Variants in ZRANB3 observed in about 807,000 individuals in gnomAD.
The protein encoded by ZRANB3 is zinc finger RANBP2-type containing 3.
In ZRANB3, 125 loss-of-function variants were observed where a neutral mutation model predicts 133.8. The ratio of observed to expected loss-of-function variants is 0.93; its 90% confidence interval spans 0.81 to 1.08. ZRANB3 has a LOEUF of 1.08. ZRANB3 is among the 50% of genes least tolerant of loss of function. The probability of loss-of-function intolerance (pLI) is 0.00; values close to 1 mark genes in which losing one functional copy is unlikely to be tolerated. For synonymous variants in ZRANB3, 387 were observed against 432.7 expected, an observed-to-expected ratio of 0.89 and a Z score of 1.31; for missense variants, 1,229 against 1,275.5, an observed-to-expected ratio of 0.96 and a Z score of 0.56.
chr2:135,491,279 C>T (rs1369036294), intron 2 of ZRANB3, among the ~76,000 whole-genome samples: 1 of 152,022 alleles, frequency 6.6e-6, no homozygotes, highest in African/African-American at 2.4e-5. Flanking sequence ...ACATACCTAA[C>T]AGAAGGTAAA....
intron 2 of ZRANB3, among the ~76,000 whole-genome samples, chr2:135,489,966 A>T (rs1559033627): frequency 1.3e-5 from 2 of 152,184 alleles, no homozygotes; most frequent in Admixed American, 6.5e-5. Flanking sequence ...TGTAAACTAG[A>T]AACTAAAAGA....
At chr2:135,286,878 T>C (rs148103571) in intron 8 of ZRANB3, among the ~76,000 whole-genome samples, 4 of 152,338 alleles carry the variant, frequency 2.6e-5, no homozygotes, top group African/African-American at 9.6e-5. Context: ...GTTGTCTGTT[T>C]ACTCTGCTGA....
chr2:135,499,923 G>C (rs1574210769), intron 2 of ZRANB3, among the ~76,000 whole-genome samples: 1 of 152,078 alleles, frequency 6.6e-6, no homozygotes, highest in Non-Finnish European at 1.5e-5. Context: ...GAAGTCATTA[G>C]GGTATCACCA....
intron 19 of ZRANB3, among the ~76,000 whole-genome samples, chr2:135,203,753 A>G (rs1384540432): frequency 2.0e-5 from 3 of 152,254 alleles, no homozygotes; most frequent in Admixed American, 2.0e-4. Flanking sequence ...CTTTTATACT[A>G]TTCACCAGAG....
At chr2:135,485,251 T>C (rs1692057739) in intron 2 of ZRANB3, among the ~76,000 whole-genome samples, 1 of 151,974 alleles carries the variant, frequency 6.6e-6, no homozygotes, top group Admixed American at 6.6e-5. Flanking sequence ...AATAGCTGTG[T>C]TGCAAAGTCA....
At chr2:135,362,513 G>A (rs1488827290) in intron 3 of ZRANB3, among the ~76,000 whole-genome samples, 1 of 152,216 alleles carries the variant, frequency 6.6e-6, no homozygotes, top group Non-Finnish European at 1.5e-5. Context: ...GGAGGGCACT[G>A]AGTCGGGGAT....
At chr2:135,445,281 T>C (rs1411631917) in intron 2 of ZRANB3, among the ~76,000 whole-genome samples, 1 of 151,798 alleles carries the variant, frequency 6.6e-6, no homozygotes, top group African/African-American at 2.4e-5. Context: ...CCATCTCTAC[T>C]AAAAATACAA....
At chr2:135,480,668 G>C (rs1025009869) in intron 2 of ZRANB3, among the ~76,000 whole-genome samples, 1 of 150,882 alleles carries the variant, frequency 6.6e-6, no homozygotes, top group Admixed American at 6.6e-5. Flanking sequence ...CATTGTGCAG[G>C]TTAGTTACAT....
At chr2:135,230,284 T>C (rs956863168) in intron 13 of ZRANB3, among the ~76,000 whole-genome samples, 3 of 152,230 alleles carry the variant, frequency 2.0e-5, no homozygotes, top group African/African-American at 7.2e-5. Context: ...GCCAAATTAA[T>C]GCCATATCAC....
chr2:135,201,794 A>G (rs1315114462), intron 20 of ZRANB3, among the ~76,000 whole-genome samples: 1 of 152,206 alleles, frequency 6.6e-6, no homozygotes, highest in African/African-American at 2.4e-5. Context: ...TTAGCAAACA[A>G]AACAATTGCA....
intron 12 of ZRANB3, among the ~76,000 whole-genome samples, chr2:135,238,097 T>G (rs1170632549): frequency 6.6e-6 from 1 of 152,230 alleles, no homozygotes; most frequent in Non-Finnish European, 1.5e-5. Flanking sequence ...GAATCTCAGT[T>G]TCCTAATTAG....
intron 11 of ZRANB3, among the ~76,000 whole-genome samples, chr2:135,267,809 T>TC (rs1362388048): frequency 2.0e-5 from 3 of 152,168 alleles, no homozygotes; most frequent in Admixed American, 6.5e-5. Context: ...AATGTTTGTA[T>TC]CCCCCCCAAA....
intron 8 of ZRANB3, among the ~76,000 whole-genome samples, chr2:135,292,797 C>G (rs1681826298): frequency 6.6e-6 from 1 of 152,100 alleles, no homozygotes; most frequent in Non-Finnish European, 1.5e-5. Flanking sequence ...GGACCCACTT[C>G]CAGCTTTCTA....
In ZRANB3 at chr2:135,472,579, CT is replaced by C. The variant is rs1019006386; in HGVS notation, c.161+31749del. On this transcript the variant is annotated intron_variant, in intron 2 of 20. Coordinates refer to ENST00000264159, the MANE Select transcript of ZRANB3 (RefSeq NM_032143.4). ...GGATGCTTGCATTGTCACTATTTGACTTTTTTCCCCCAGTCTTGCATTATGA... is the reference window on the plus strand; with the variant it reads ...GGATGCTTGCATTGTCACTATTTGACTTTTTCCCCCAGTCTTGCATTATGA... Among the ~76,000 whole-genome samples the C allele has an allele frequency of 7.3e-5, 11 of 150,918 alleles. No homozygotes were observed. The East Asian group carries it at 7.8e-4, about 11-fold the overall frequency.
chr2:135,377,792 C>A (rs1456783145), intron 3 of ZRANB3, among the ~76,000 whole-genome samples: 1 of 152,158 alleles, frequency 6.6e-6, no homozygotes, highest in Non-Finnish European at 1.5e-5. Flanking sequence ...CTGAAGGATA[C>A]AAAGTATTGA....
At chr2:135,521,899 T>G (rs1693958517) in intron 1 of ZRANB3, among the ~76,000 whole-genome samples, 1 of 152,090 alleles carries the variant, frequency 6.6e-6, no homozygotes, top group African/African-American at 2.4e-5. Context: ...GAAAGACAGT[T>G]TCTGGGTGCC....
At chr2:135,286,163 C>A (rs1681353716) in intron 8 of ZRANB3, among the ~76,000 whole-genome samples, 1 of 152,134 alleles carries the variant, frequency 6.6e-6, no homozygotes, top group South Asian at 2.1e-4. Context: ...GATTATGGTG[C>A]ACCCATCACC....
At chr2:135,430,702 T>C (rs1443309885) in intron 2 of ZRANB3, among the ~76,000 whole-genome samples, 3 of 152,160 alleles carry the variant, frequency 2.0e-5, no homozygotes, top group Admixed American at 6.5e-5. Context: ...AACATGGTAT[T>C]TTTATAAGAA....
At position 135,269,088 on chromosome 2, in the gene ZRANB3, G is replaced by A; in HGVS notation, c.1260C>T (p.Asp420=). 6.2e-7 allele frequency: 1 copy of A among 1,612,116 alleles called. No individual in the cohort carries two copies. Among genetic ancestry groups the A allele is most frequent in the South Asian group, 1.1e-5 (1 of 90,794 alleles). The change falls in exon 11 of 21, where the codon GAC becomes GAT. Residue 420 remains aspartate, a synonymous_variant. Transcript: ENST00000264159. ...SHVVFAELYW[D]PGHIKQAEDR... Reference sequence around the variant, plus strand: ...CTTCTGCTTGTTTTATATGTCCAGGGTCCCAGTACAACTCAGCAAATACAA... The same window carrying A: ...CTTCTGCTTGTTTTATATGTCCAGGATCCCAGTACAACTCAGCAAATACAA...
Sources: gnomAD v4.1 joint callset for allele counts (sites outside exome capture counted in the v4.1 genomes callset) on GRCh38, gnomAD v4.1.1 for gene constraint, MANE v1.5 for transcripts, NCBI Gene and HGNC (gene_info 2026-07-23, HGNC 2026-07-21) for gene names.